The following RECQL4 variants were observed in gnomAD, a reference collection of about 807,000 sequenced individuals.
RECQL4 encodes the protein ATP-dependent DNA helicase Q4.
In RECQL4, 158 loss-of-function variants were observed where a neutral mutation model predicts 128.6. The observed-to-expected ratio is 1.23, with a 90% confidence interval of 1.08 to 1.40. The LOEUF (loss-of-function observed/expected upper bound fraction) is 1.40, where lower values mean the gene tolerates loss of function less well. RECQL4 is among the 40% of genes most tolerant of loss of function. RECQL4 has a pLI of 0.00. For synonymous variants in RECQL4, 996 were observed against 678.9 expected (o/e 1.47, Z -7.26); for missense variants, 2,293 against 1,649.8 (o/e 1.39, Z -6.75).
chr8:144,512,237 T>C lies in RECQL4; in HGVS notation c.3143A>G (p.Lys1048Arg), dbSNP rs202203322. The C allele has an allele frequency of 3.9e-4, 622 of 1,612,166 alleles. No homozygotes were observed. Among genetic ancestry groups the C allele is most frequent in the Non-Finnish European group, 4.7e-4 (558 of 1,179,654 alleles). ...RSPGDLTAEEKDQICDFLYGR... is the reference protein window; with the variant it reads ...RSPGDLTAEERDQICDFLYGR... The stretch of plus-strand genomic sequence containing the variant: ...ATAGAGGAAGTCACATATCTGGTCC[T>C]TCTCCTCAGCGGTCAAGTCCCCCGG... The change falls in exon 18 of 21, where the codon AAG becomes AGG. Residue 1048 changes from lysine to arginine, a missense_variant. Lys to Arg is a conservative substitution (Grantham distance 26). Coordinates refer to ENST00000617875, the MANE Select transcript of RECQL4 (RefSeq NM_004260.4).
rs533185057 is a variant in RECQL4, at chr8:144,516,042, C to T, written c.1077G>A (p.Lys359=). 6.2e-7 allele frequency: 1 copy of T among 1,612,286 alleles called. No homozygotes were observed. The highest frequency in any genetic ancestry group is 1.1e-5 in the South Asian group (1 of 91,076). ...CCCGGCCCCGCACGTAGTGTTTCTG[C>T]TTCATGTTGAGCCGTACGTAATTGC... ...DRGNYVRLNM[K]QKHYVRGRAL... Residue 359 remains lysine, a synonymous_variant, in exon 5 of 21, where the codon AAG becomes AAA. Transcript: ENST00000617875.
rs369306389 is a variant in RECQL4, at chr8:144,515,065, G to T, written c.1491C>A (p.Ser497=). The T allele has an allele frequency of 3.7e-6, 6 of 1,606,582 alleles. No individual in the cohort carries two copies. In the Admixed American group the frequency reaches 5.1e-5, roughly 14 times the overall value. The part of the protein sequence containing the change: ...RAVMRILSGI[S]TLLVLPTGAG... The stretch of plus-strand genomic sequence containing the variant: ...CACCTGTAGGCAGCACCAGCAGCGT[G>T]GAGATGCCTGGATGGGGCGGGAGTC... Residue 497 remains serine (S), a synonymous_variant, in exon 9 of 21, where the codon TCC becomes TCA. Coordinates refer to ENST00000617875, the MANE Select transcript of RECQL4 (RefSeq NM_004260.4).
At position 144,514,344 on chromosome 8, in the gene RECQL4, G is replaced by T; in HGVS notation, c.1723C>A (p.His575Asn). 6.2e-7 allele frequency: 1 copy of T among 1,604,136 alleles called. No individual in the cohort carries two copies. The highest frequency in any genetic ancestry group is 1.1e-5 in the South Asian group (1 of 90,730). The change falls in exon 11 of 21, where the codon CAC becomes AAC. Residue 575 changes from histidine to asparagine, a missense_variant. Coordinates refer to ENST00000617875, the MANE Select transcript of RECQL4 (RefSeq NM_004260.4). ...GCCTCAGGTGTCAGCATCAGCACGT[G>T]TACCTGGGCTGCCCGAATCTGAAGG... is the stretch of plus-strand genomic sequence containing the variant. ...VLQKIRAAQV[H>N]VLMLTPEALV...
chr8:144,517,178 G>A lies in RECQL4; in HGVS notation c.226C>T (p.Arg76Cys), dbSNP rs1815254850. Residue 76 changes from arginine to cysteine, a missense_variant, in exon 4 of 21, where the codon CGC (arginine) becomes TGC (cysteine). Coordinates refer to ENST00000617875, the MANE Select transcript of RECQL4 (RefSeq NM_004260.4). ...CGATTCAGATGGGGCCCCCAGCAGC[G>A]GGGCTCTGGCGCCTGCAGGAGACAA... ...PAAAEEAPEP[R>C]CWGPHLNRAA... The A allele has an allele frequency of 1.9e-6, 3 of 1,605,160 alleles. No homozygotes were observed. The highest frequency in any genetic ancestry group is 2.5e-6 in the Non-Finnish European group (3 of 1,177,524).
intron 6 of RECQL4, 46 bp downstream of exon 6, chr8:144,515,718 T>C: frequency 6.2e-7 from 1 of 1,602,138 alleles, no homozygotes; most frequent in Non-Finnish European, 8.5e-7. Flanking sequence ...CACTGCGCCC[T>C]CTCCACAGTG....
Position 144,513,404 on chromosome 8 carries a change from G to A in RECQL4, c.2277C>T (p.Ala759=), listed in dbSNP as rs1434774811. The A allele has an allele frequency of 1.9e-5, 30 of 1,608,706 alleles. No homozygotes were observed. In the South Asian group the frequency reaches 3.1e-4, roughly 16 times the overall value. The change falls in exon 14 of 21, where the codon GCC becomes GCT. Residue 759 remains alanine (A), a synonymous_variant. Transcript: ENST00000617875. ...CCACCCGCAACTGGCCCTGCATGAA[G>A]GCTCGCTGTACCCGCCGCCGTTCCC... is the stretch of plus-strand genomic sequence containing the variant. ...CSRERRRVQR[A]FMQGQLRVVV... is the part of the protein sequence containing the mutation.
intron 3 of RECQL4, 95 bp from the exon 4 acceptor site, chr8:144,517,285 C>T: frequency 6.6e-7 from 1 of 1,506,194 alleles, no homozygotes. Flanking sequence ...GAGGCCCGGC[C>T]CTTCTTCACT....
Position 144,513,654 on chromosome 8 carries a change from T to A in RECQL4, c.2117A>T (p.Tyr706Phe), listed in dbSNP as rs777874772. 5 of 1,571,994 alleles carry A rather than the reference T, an allele frequency of 3.2e-6. No homozygotes were observed. The South Asian group carries it at 5.8e-5, about 18-fold the overall frequency. The change falls in exon 13 of 21, where the codon TAC (tyrosine) becomes TTC (phenylalanine). Residue 706 changes from tyrosine to phenylalanine, a missense_variant. Physicochemically the swap from Tyr to Phe is conservative, Grantham distance 22. Transcript: ENST00000617875. ...RFQNLDSIII[Y>F]CNRREDTERI... The stretch of plus-strand genomic sequence containing the variant: ...CTCTGTGTCCTCGCGCCGGTTGCAG[T>A]AAATGATAATGGAATCGAGGTTTTG...
In RECQL4 at chr8:144,515,380, G is replaced by A; in HGVS notation, c.1336C>T (p.Leu446=). The change falls in exon 7 of 21, where the codon CTG becomes TTG. Residue 446 remains leucine, a synonymous_variant. Transcript: ENST00000617875. Reference sequence around the variant, plus strand: ...TAGAGTGGCAGCACGGTGGGGTCCAGGCTGGGCACCTCAGGTACAGGTTGT... The same window carrying A: ...TAGAGTGGCAGCACGGTGGGGTCCAAGCTGGGCACCTCAGGTACAGGTTGT... ...SPQPVPEVPS[L]DPTVLPLYSL... is the part of the protein sequence containing the mutation. 1.2e-6 allele frequency: 2 copies of A among 1,612,782 alleles called. No homozygotes were observed. The highest frequency in any genetic ancestry group is 2.2e-5 in the South Asian group (2 of 91,088).
At position 144,513,062 on chromosome 8, in the gene RECQL4, T is replaced by C. The variant is rs1320033045; in HGVS notation, c.2540A>G (p.Gln847Arg). ...TDFLAVKRLV[Q>R]RVFPACTCTC... The stretch of plus-strand genomic sequence containing the variant: ...GCAGGTGCAGGCTGGGAACACGCGC[T>C]GTACCAGCCTCTTCACAGCCAGGAA... Residue 847 changes from glutamine (Q) to arginine (R), a missense_variant, in exon 15 of 21, where the codon CAG (glutamine) becomes CGG (arginine). Physicochemically the swap from Gln to Arg is conservative, Grantham distance 43 (BLOSUM62 1). Transcript: ENST00000617875. 20 of 1,575,076 alleles carry C rather than the reference T, an allele frequency of 1.3e-5. No individual in the cohort carries two copies. Among genetic ancestry groups the C allele is most frequent in the Non-Finnish European group, 1.5e-5 (17 of 1,159,648 alleles).
Position 144,516,594 on chromosome 8 carries a change from C to T in RECQL4, c.525G>A (p.Leu175=), listed in dbSNP as rs562163514. The change falls in exon 5 of 21, where the codon CTG becomes CTA. Residue 175 remains leucine (L), a synonymous_variant. Coordinates refer to ENST00000617875, the MANE Select transcript of RECQL4 (RefSeq NM_004260.4). ...PQPRPGRLQH[L]QASLSQRLGS... ...CCAGCCGCTGGCTCAGGGATGCCTGCAGATGCTGGAGCCGGCCTGGCCTTG... is the reference window on the plus strand; with the variant it reads ...CCAGCCGCTGGCTCAGGGATGCCTGTAGATGCTGGAGCCGGCCTGGCCTTG... The T allele has an allele frequency of 1.5e-5, 24 of 1,610,492 alleles. 1 individual carries two copies. The South Asian group carries it at 2.4e-4, about 16-fold the overall frequency.
rs752408076 is a variant in RECQL4, at chr8:144,512,867, G to A, written c.2735C>T (p.Ala912Val). 8 of 1,601,134 alleles carry A rather than the reference G, an allele frequency of 5.0e-6. No individual in the cohort carries two copies. In the African/African-American group the frequency reaches 5.4e-5, roughly 11 times the overall value. ...RALPIQLTVQALDMPEEAIET... is the reference protein window; with the variant it reads ...RALPIQLTVQVLDMPEEAIET... The stretch of plus-strand genomic sequence containing the variant: ...CTCACCCTCCTCCGGCATGTCCAAA[G>A]CCTGTACGGTAAGCTGTATTGGGAG... Residue 912 changes from alanine (A) to valine (V), a missense_variant, in exon 15 of 21, where the codon GCT (alanine) becomes GTT (valine). Physicochemically the swap from Ala to Val is moderately conservative, Grantham distance 64. Transcript: ENST00000617875.
rs1315086855 is a variant in RECQL4 at position 144,517,643 on chromosome 8, G to A, written c.85-8C>T. ...CGCCGCCTCCACGTCGTCCTGTAAAGGGAACGCGTCAGCCGCGGGCCGCGC... is the reference window on the plus strand; with the variant it reads ...CGCCGCCTCCACGTCGTCCTGTAAAAGGAACGCGTCAGCCGCGGGCCGCGC... On this transcript the variant is annotated splice_region_variant and splice_polypyrimidine_tract_variant and intron_variant, in intron 1 of 20. Transcript: ENST00000617875. 7.4e-6 allele frequency: 11 copies of A among 1,481,902 alleles called. No individual in the cohort carries two copies. The highest frequency in any genetic ancestry group is 1.5e-5 in the African/African-American group (1 of 68,210). The allele number at this position is 1,481,902 out of a possible 1,614,324, so 91.8% of individuals were successfully genotyped here.
rs1316434470 is a variant in RECQL4 at position 144,516,437 on chromosome 8, G to T, written c.682C>A (p.Leu228Ile). The part of the protein sequence containing the change: ...QLLIPGESAV[L>I]GPGAGSQGPE... ...CCCTGGGAGCCAGCACCAGGACCAA[G>T]GACAGCCGACTCACCAGGGATCAGA... Residue 228 changes from leucine to isoleucine, a missense_variant, in exon 5 of 21, where the codon CTT becomes ATT. By Grantham distance (5) the Leu-to-Ile change is conservative. Transcript: ENST00000617875. The T allele has an allele frequency of 2.1e-5, 33 of 1,608,944 alleles. No individual in the cohort carries two copies. The highest frequency in any genetic ancestry group is 2.8e-5 in the Non-Finnish European group (33 of 1,179,762).
At chr8:144,513,733 T>G (rs1015970430) in intron 12 of RECQL4, 21 bp from the exon 13 acceptor site, 2 of 1,465,160 alleles carry the variant, frequency 1.4e-6, no homozygotes, top group African/African-American at 3.5e-5. Context: ...GCGGTTGGCG[T>G]GGGCAGTGGG....
chr8:144,517,350 G>T, intron 3 of RECQL4, 64 bp downstream of exon 3: 1 of 1,494,982 alleles, frequency 6.7e-7, no homozygotes. Flanking sequence ...CCGCGACTCC[G>T]TGGCTCCCGC....
rs1221691331 is a variant in RECQL4 at position 144,517,812 on chromosome 8, C to T, written c.-28G>A. 1.8e-5 allele frequency: 22 copies of T among 1,199,404 alleles called. No individual in the cohort carries two copies. The highest frequency in any genetic ancestry group is 2.1e-5 in the Non-Finnish European group (20 of 964,606). 74.3% of individuals were successfully genotyped at this position (1,199,404 alleles called of 1,614,324 possible). ...CGCGCGCGCCCGCCCGGCCTCCGCGCTTGCGATCGTCCAGCGAATCTCCCG... is the reference window on the plus strand; with the variant it reads ...CGCGCGCGCCCGCCCGGCCTCCGCGTTTGCGATCGTCCAGCGAATCTCCCG... On this transcript the variant is annotated 5_prime_UTR_variant, in exon 1 of 21. Coordinates refer to ENST00000617875, the MANE Select transcript of RECQL4 (RefSeq NM_004260.4).
At chr8:144,515,589 A>G in intron 6 of RECQL4, 132 bp from the exon 7 acceptor site, 1 of 1,500,548 alleles carries the variant, frequency 6.7e-7, no homozygotes, top group Non-Finnish European at 9.1e-7. Context: ...TTTCCAAAGC[A>G]GAAAAGAGTG....
Position 144,517,066 on chromosome 8 carries a change from A to G in RECQL4, c.338T>C (p.Leu113Pro), listed in dbSNP as rs1245684504. The G allele has an allele frequency of 1.2e-6, 2 of 1,610,970 alleles. No homozygotes were observed. Among genetic ancestry groups the G allele is most frequent in the Non-Finnish European group, 1.7e-6 (2 of 1,178,680 alleles). The stretch of plus-strand genomic sequence containing the variant: ...ACTCCTCACCTGCAGGGTGCCTTTC[A>G]GATTGGCCTTGAGCCGCTGCCCGTA... ...PDYGQRLKAN[L>P]KGTLQAGPAL... Residue 113 changes from leucine (L) to proline (P), a missense_variant, in exon 4 of 21, where the codon CTG becomes CCG. Physicochemically the swap from Leu to Pro is moderately conservative, Grantham distance 98. Coordinates refer to ENST00000617875, the MANE Select transcript of RECQL4 (RefSeq NM_004260.4).
Sources: gnomAD v4.1 joint callset for allele counts on GRCh38, gnomAD v4.1.1 for gene constraint, MANE v1.5 for transcripts, NCBI Gene and HGNC (gene_info 2026-07-23, HGNC 2026-07-21) for gene names.